Variants in GNB4 observed in about 807,000 individuals in gnomAD.
GNB4 encodes G protein subunit beta 4, also known as guanine nucleotide-binding protein subunit beta-4.
GNB4 carries 28 observed loss-of-function variants against 45.2 expected under a neutral mutation model. The ratio of observed to expected loss-of-function variants is 0.62; its 90% CI spans 0.46 to 0.85. GNB4 has a LOEUF of 0.85. GNB4 is among the 40% of genes least tolerant of loss of function. The pLI, the probability that GNB4 is intolerant of heterozygous loss-of-function variation, is 0.00. For missense variants in GNB4, 321 were observed against 425.4 expected, an observed-to-expected ratio of 0.75 and a Z score of 2.16; for synonymous variants, 132 against 143.7, an observed-to-expected ratio of 0.92 and a Z score of 0.58.
chr3:179,429,029 G>C (rs1052666305), intron 1 of GNB4, among the ~76,000 whole-genome samples: 1 of 152,170 alleles, frequency 6.6e-6, no homozygotes, highest in Non-Finnish European at 1.5e-5. Context: ...TCCGTGGATG[G>C]GGCACCGATG....
chr3:179,432,035 C>T (rs1424387150), intron 1 of GNB4, among the ~76,000 whole-genome samples: 2 of 152,244 alleles, frequency 1.3e-5, no homozygotes, highest in African/African-American at 2.4e-5. Flanking sequence ...CTTTTTCTTC[C>T]CTTCACCAAG....
chr3:179,486,453 A>T, the GNB4 span, among the ~76,000 whole-genome samples: 1 of 152,136 alleles, frequency 6.6e-6, no homozygotes, highest in Non-Finnish European at 1.5e-5. Context: ...TCCAATTTCT[A>T]GCTATTATCA....
chr3:179,424,264 T>C (rs1715081285), intron 2 of GNB4, among the ~76,000 whole-genome samples: 1 of 152,240 alleles, frequency 6.6e-6, no homozygotes, highest in Admixed American at 6.5e-5. Context: ...GTTTAGCCAA[T>C]CAGCTGCTCC....
At chr3:179,527,550 T>C in the GNB4 span, among the ~76,000 whole-genome samples, 1 of 152,228 alleles carries the variant, frequency 6.6e-6, no homozygotes, top group Non-Finnish European at 1.5e-5. Context: ...GAGAAAACTC[T>C]CTGTTTTAGA....
At chr3:179,456,694 A>G in the GNB4 span, among the ~76,000 whole-genome samples, 1 of 152,078 alleles carries the variant, frequency 6.6e-6, no homozygotes. Flanking sequence ...TCTCCCTCAT[A>G]CTATCCATTT....
At chr3:179,449,168 C>T (rs1489022367) in intron 1 of GNB4, among the ~76,000 whole-genome samples, 1 of 152,158 alleles carries the variant, frequency 6.6e-6, no homozygotes, top group African/African-American at 2.4e-5. Flanking sequence ...TGTTTGTAAC[C>T]TTCCAAATTA....
the GNB4 span, among the ~76,000 whole-genome samples, chr3:179,465,990 A>G: frequency 1.4e-5 from 2 of 144,214 alleles, no homozygotes; most frequent in East Asian, 4.2e-4. Flanking sequence ...TGGAGAAACC[A>G]GCCTCATCCT....
intron 1 of GNB4, among the ~76,000 whole-genome samples, chr3:179,447,053 C>T (rs1215845016): frequency 2.0e-5 from 3 of 151,874 alleles, no homozygotes; most frequent in South Asian, 2.1e-4. Context: ...ACAGATAAGT[C>T]GTATGCAAGA....
At chr3:179,429,640 T>C (rs959125040) in intron 1 of GNB4, among the ~76,000 whole-genome samples, 2 of 152,202 alleles carry the variant, frequency 1.3e-5, no homozygotes, top group Non-Finnish European at 2.9e-5. Context: ...CTAGCCTGCC[T>C]GCCCTTCCAT....
intron 1 of GNB4, among the ~76,000 whole-genome samples, chr3:179,440,838 C>A (rs1357411816): frequency 1.3e-5 from 2 of 150,932 alleles, no homozygotes; most frequent in Non-Finnish European, 2.9e-5. Flanking sequence ...TGTTTCTATT[C>A]TTTCGGTGTA....
At chr3:179,511,838 G>A in the GNB4 span, among the ~76,000 whole-genome samples, 8 of 152,094 alleles carry the variant, frequency 5.3e-5, no homozygotes, top group Non-Finnish European at 8.8e-5. Flanking sequence ...TTTGGCATTG[G>A]TATACAGTAG....
the GNB4 span, among the ~76,000 whole-genome samples, chr3:179,496,994 A>T: frequency 1.3e-5 from 2 of 152,096 alleles, no homozygotes; most frequent in Non-Finnish European, 2.9e-5. Flanking sequence ...GACCTAAAAG[A>T]CATGATTTTT....
the GNB4 span, among the ~76,000 whole-genome samples, chr3:179,461,693 A>T: frequency 6.6e-6 from 1 of 152,214 alleles, no homozygotes; most frequent in African/African-American, 2.4e-5. Context: ...CTATCCTTCT[A>T]CACTAACTAA....
rs747654393 is a variant in GNB4 at position 179,405,353 on chromosome 3, C to T, written c.753G>A (p.Arg251=). ...CTTGATCTGCACGAAGGTCAAAGAG[C>T]CGGCAAGTGGCATCATCAGAGCCAG... ...FATGSDDATC[R]LFDLRADQEL... The change falls in exon 9 of 10, where the codon CGG becomes CGA. Residue 251 remains arginine (R), a synonymous_variant. Coordinates refer to ENST00000232564, the MANE Select transcript of GNB4 (RefSeq NM_021629.4). 1 of 1,613,784 alleles carries T rather than the reference C, an allele frequency of 6.2e-7. No homozygotes were observed. Among genetic ancestry groups the T allele is most frequent in the African/African-American group, 1.3e-5 (1 of 74,918 alleles).
the GNB4 span, among the ~76,000 whole-genome samples, chr3:179,486,176 G>A: frequency 6.8e-6 from 1 of 146,566 alleles, no homozygotes; most frequent in African/African-American, 2.6e-5. Context: ...AGCCGAGATA[G>A]TGCCACTGCA....
chr3:179,510,492 G>T, the GNB4 span, among the ~76,000 whole-genome samples: 1 of 152,100 alleles, frequency 6.6e-6, no homozygotes, highest in Non-Finnish European at 1.5e-5. Context: ...TGCCATAGAA[G>T]AACTTTGCCA....
At chr3:179,468,567 G>T in the GNB4 span, among the ~76,000 whole-genome samples, 1 of 151,966 alleles carries the variant, frequency 6.6e-6, no homozygotes, top group African/African-American at 2.4e-5. Flanking sequence ...GATGGGAGTG[G>T]GTAGTCGGAC....
At chr3:179,471,196 A>G in the GNB4 span, among the ~76,000 whole-genome samples, 2 of 88,080 alleles carry the variant, frequency 2.3e-5, no homozygotes, top group East Asian at 4.8e-4. Flanking sequence ...AAAAAAAAAA[A>G]GTATCAGCAA....
the GNB4 span, among the ~76,000 whole-genome samples, chr3:179,503,826 T>C: frequency 2.0e-5 from 3 of 152,214 alleles, no homozygotes; most frequent in Admixed American, 6.5e-5. Flanking sequence ...TGGCCTTAAA[T>C]TGTGGAATGA....
Sources: gnomAD v4.1 joint callset for allele counts (sites outside exome capture counted in the v4.1 genomes callset) on GRCh38, gnomAD v4.1.1 for gene constraint, MANE v1.5 for transcripts, NCBI Gene and HGNC (gene_info 2026-07-23, HGNC 2026-07-21) for gene names.